DAB1: variants seen among roughly 807,000 people sequenced by gnomAD.
The protein encoded by DAB1 is DAB adaptor protein 1.
In DAB1, 15 loss-of-function variants were observed where a neutral mutation model predicts 64.6. That is an observed-to-expected ratio of 0.23 (90% CI 0.16 to 0.36). The LOEUF (loss-of-function observed/expected upper bound fraction) is 0.36. Ranked by LOEUF, DAB1 falls within the 10% of genes least tolerant of loss-of-function variation. The pLI is 1.00. For missense variants in DAB1, 596 were observed against 706.7 expected, an observed-to-expected ratio of 0.84 and a Z score of 1.78; for synonymous variants, 235 against 251.9, an observed-to-expected ratio of 0.93 and a Z score of 0.64.
At chr1:58,032,264 A>T (rs926416078) in intron 5 of DAB1, among the ~76,000 whole-genome samples, 1 of 152,148 alleles carries the variant, frequency 6.6e-6, no homozygotes, top group South Asian at 2.1e-4. Context: ...AGGATTTCTT[A>T]AGGGCCAGGA....
At chr1:57,914,553 C>G (rs986177846) in intron 5 of DAB1, among the ~76,000 whole-genome samples, 20 of 151,964 alleles carry the variant, frequency 1.3e-4, no homozygotes, top group Non-Finnish European at 1.9e-4. Flanking sequence ...CACATGTACC[C>G]TAATACTTAA....
intron 4 of DAB1, among the ~76,000 whole-genome samples, chr1:58,220,555 A>T (rs941686257): frequency 6.6e-6 from 1 of 152,142 alleles, no homozygotes; most frequent in Non-Finnish European, 1.5e-5. Context: ...TTAAATAAAA[A>T]TTTACAGATG....
intron 5 of DAB1, among the ~76,000 whole-genome samples, chr1:57,964,587 G>A (rs1645606302): frequency 1.3e-5 from 2 of 152,178 alleles, no homozygotes; most frequent in South Asian, 4.1e-4. Flanking sequence ...CACTACTCAT[G>A]TTTCCAGCAT....
chr1:58,048,421 G>A (rs1647387572), intron 5 of DAB1: 1 of 952,750 alleles, frequency 1.0e-6, no homozygotes, highest in South Asian at 1.3e-5. Context: ...CACCTCTATT[G>A]TTATAGCTGT....
chr1:57,072,460 T>G, intron 4 of DAB1, 46 bp from the exon 5 acceptor site: 3 of 1,599,056 alleles, frequency 1.9e-6, no homozygotes, highest in Non-Finnish European at 2.6e-6. Flanking sequence ...GGACTTTCCC[T>G]TCGAGCTGTT....
chr1:57,251,869 T>C (rs1258400955), intron 2 of DAB1, among the ~76,000 whole-genome samples: 1 of 152,182 alleles, frequency 6.6e-6, no homozygotes, highest in African/African-American at 2.4e-5. Context: ...GCACATGGTG[T>C]GCTGAGGCAC....
At chr1:57,793,330 G>A (rs911915605) in intron 6 of DAB1, among the ~76,000 whole-genome samples, 10 of 152,174 alleles carry the variant, frequency 6.6e-5, no homozygotes, top group Admixed American at 6.5e-5. Flanking sequence ...CAGATGGATG[G>A]CTGGGGATTA....
intron 1 of DAB1, chr1:57,874,359 A>G (rs1303658225): frequency 2.0e-5 from 3 of 152,220 alleles, no homozygotes; most frequent in African/African-American, 7.2e-5. Flanking sequence ...GCAGGGCTCC[A>G]ACCATTACAG....
intron 1 of DAB1, chr1:57,862,602 C>A (rs1443248210): frequency 6.6e-6 from 1 of 152,098 alleles, no homozygotes; most frequent in Non-Finnish European, 1.5e-5. Flanking sequence ...TTTAGATATT[C>A]TTACAACTCT....
chr1:57,521,454 G>C (rs934627013), intron 7 of DAB1, among the ~76,000 whole-genome samples: 8 of 149,864 alleles, frequency 5.3e-5, no homozygotes, highest in Non-Finnish European at 1.0e-4. Flanking sequence ...TTTTTTTTTT[G>C]TTTGGGAAGC....
chr1:57,571,452 C>T (rs1171672497), intron 7 of DAB1, among the ~76,000 whole-genome samples: 1 of 152,138 alleles, frequency 6.6e-6, no homozygotes, highest in Non-Finnish European at 1.5e-5. Context: ...AGAGGATAAC[C>T]TTGCAACCCA....
In DAB1 at chr1:57,011,126, T is replaced by C; in HGVS notation, c.1572+19A>G. 1 of 1,613,636 alleles carries C rather than the reference T, an allele frequency of 6.2e-7. No homozygotes were observed. The highest frequency in any genetic ancestry group is 8.5e-7 in the Non-Finnish European group (1 of 1,179,722). On this transcript the variant is annotated intron_variant, in intron 13 of 14. Transcript: ENST00000371236. ...AATTTTAAGGAAAAACACAAACAAA[T>C]AACAAACTGGTCACTTACAGCTTCT...
intron 4 of DAB1, among the ~76,000 whole-genome samples, chr1:58,331,960 A>C (rs376862099): frequency 2.6e-5 from 4 of 152,256 alleles, no homozygotes; most frequent in African/African-American, 9.6e-5. Flanking sequence ...ATTCCTCAAA[A>C]ACGTACCTTT....
intron 6 of DAB1, among the ~76,000 whole-genome samples, chr1:57,771,041 C>G (rs953610976): frequency 6.6e-6 from 1 of 152,098 alleles, no homozygotes; most frequent in Non-Finnish European, 1.5e-5. Flanking sequence ...CTTGGAGAGG[C>G]GAAGTAAGTC....
At chr1:57,283,103 C>T (rs769995318) in intron 2 of DAB1, among the ~76,000 whole-genome samples, 2 of 152,218 alleles carry the variant, frequency 1.3e-5, no homozygotes, top group Non-Finnish European at 2.9e-5. Flanking sequence ...AGTCTCTTGA[C>T]CTCTGCAAAC....
At chr1:57,446,157 T>G (rs540942265) in intron 7 of DAB1, among the ~76,000 whole-genome samples, 236 of 152,358 alleles carry the variant, frequency 1.5e-3, no homozygotes, top group African/African-American at 5.3e-3. Flanking sequence ...CATCTGATTA[T>G]AAAACTCAGG....
intron 7 of DAB1, among the ~76,000 whole-genome samples, chr1:57,575,816 C>T (rs538950809): frequency 1.3e-5 from 2 of 152,250 alleles, no homozygotes; most frequent in African/African-American, 4.8e-5. Flanking sequence ...CTGACCTATA[C>T]CCTGGAGAAA....
At chr1:57,175,015 T>TC (rs1662149988) in intron 2 of DAB1, among the ~76,000 whole-genome samples, 1 of 152,110 alleles carries the variant, frequency 6.6e-6, no homozygotes, top group Admixed American at 6.6e-5. Flanking sequence ...TCTCCATGAC[T>TC]CCCCCAACAG....
Position 58,163,419 on chromosome 1 carries a change from T to C in DAB1, n.310-12831A>G, listed in dbSNP as rs533481738. On this transcript the variant is annotated intron_variant and non_coding_transcript_variant, in intron 4 of 20. Coordinates refer to the DAB1 transcript ENST00000485760. ...TTCCAGGAATAGCCAAGTGAAGAGA[T>C]AGACAAATCCTCTCTCTCCACAACA... Among the ~76,000 whole-genome samples the C allele has an allele frequency of 9.2e-5, 14 of 152,254 alleles. 1 individual carries two copies. The South Asian group carries it at 1.7e-3, about 18-fold the overall frequency.
Sources: allele counts gnomAD v4.1 joint callset (sites outside exome capture counted in the v4.1 genomes callset), GRCh38; gene constraint gnomAD v4.1.1; transcripts MANE v1.5; gene names NCBI Gene and HGNC (gene_info 2026-07-23, HGNC 2026-07-21).